RGS9: variants seen among roughly 807,000 people sequenced by gnomAD.
RGS9 encodes regulator of G protein signaling 9, also known as regulator of G-protein signalling 9.
Under a neutral mutation model 102.0 loss-of-function variants are expected in RGS9, and 78 were observed. The observed-to-expected ratio is 0.76, with a 90% CI of 0.64 to 0.92. The LOEUF (loss-of-function observed/expected upper bound fraction) is 0.92. RGS9 is among the 40% of genes least tolerant of loss of function. The pLI, the probability that RGS9 is intolerant of heterozygous loss-of-function variation, is 0.00. For missense variants in RGS9, 833 were observed against 866.1 expected (o/e 0.96, Z 0.48); for synonymous variants, 353 against 318.6 (o/e 1.11, Z -1.15).
chr17:65,154,663 A>G (rs867870382), intron 2 of RGS9, among the ~76,000 whole-genome samples: 3 of 152,278 alleles, frequency 2.0e-5, no homozygotes, highest in Middle Eastern at 6.8e-3. Flanking sequence ...TGAGGTGCCT[A>G]CAGAGCATCA....
At chr17:65,185,001 G>T (rs142444302) in intron 9 of RGS9, among the ~76,000 whole-genome samples, 137 of 152,052 alleles carry the variant, frequency 9.0e-4, no homozygotes, top group African/African-American at 3.2e-3. Flanking sequence ...TCCAGTAGTT[G>T]CTGGGACCAC....
intron 1 of RGS9, among the ~76,000 whole-genome samples, chr17:65,150,099 A>G (rs1910517785): frequency 6.6e-6 from 1 of 152,170 alleles, no homozygotes; most frequent in South Asian, 2.1e-4. Flanking sequence ...AATGGCGGGA[A>G]TGTGGACAGA....
intron 15 of RGS9, among the ~76,000 whole-genome samples, chr17:65,205,813 A>T (rs996507507): frequency 2.6e-5 from 4 of 151,956 alleles, no homozygotes; most frequent in Non-Finnish European, 5.9e-5. Flanking sequence ...AGGTTATATG[A>T]TATAGATTAT....
intron 8 of RGS9, among the ~76,000 whole-genome samples, chr17:65,174,258 A>G (rs775282202): frequency 1.3e-5 from 2 of 152,232 alleles, no homozygotes; most frequent in Non-Finnish European, 2.9e-5. Context: ...TAGATAACGA[A>G]TTCAAGACTT....
In RGS9 at chr17:65,190,212, T is replaced by C. The variant is rs1232981377; in HGVS notation, c.722T>C (p.Val241Ala). 1.2e-6 allele frequency: 2 copies of C among 1,613,706 alleles called. No homozygotes were observed. The highest frequency in any genetic ancestry group is 1.3e-5 in the African/African-American group (1 of 74,942). Residue 241 changes from valine (V) to alanine (A), a missense_variant, in exon 11 of 19, where the codon GTG becomes GCG. Physicochemically the swap from Val to Ala is moderately conservative, Grantham distance 64 (BLOSUM62 0). Coordinates refer to ENST00000262406, the MANE Select transcript of RGS9 (RefSeq NM_003835.4). Reference protein sequence around the residue: ...YYQQALMRSTVKSSVSLGGIV... With the variant: ...YYQQALMRSTAKSSVSLGGIV... ...CAACAGGCCTTGATGAGGTCCACAG[T>C]GAAGTCTTCTGTGTCCCTGGGAGGG...
At chr17:65,178,480 C>CTATTTATTTATTTATTTATT (rs146258319) in intron 9 of RGS9, among the ~76,000 whole-genome samples, 2 of 150,286 alleles carry the variant, frequency 1.3e-5, no homozygotes, top group African/African-American at 4.9e-5. Context: ...TTTTTTTTTC[C>CTATTTATTTATTTATTTATT]TATTTATTTA....
intron 8 of RGS9, among the ~76,000 whole-genome samples, chr17:65,171,587 C>T (rs1223696239): frequency 1.3e-5 from 2 of 152,142 alleles, no homozygotes; most frequent in African/African-American, 2.4e-5. Flanking sequence ...AGGGGCACAG[C>T]GAGAGGGTGA....
At chr17:65,183,590 C>A (rs1301102304) in intron 9 of RGS9, among the ~76,000 whole-genome samples, 1 of 152,162 alleles carries the variant, frequency 6.6e-6, no homozygotes, top group African/African-American at 2.4e-5. Flanking sequence ...AACCACTGCA[C>A]CCGGCTCCAT....
At chr17:65,158,452 A>C in intron 3 of RGS9, 107 bp downstream of exon 3, 1 of 1,065,556 alleles carries the variant, frequency 9.4e-7, no homozygotes, top group East Asian at 2.4e-5. Context: ...TTACATTTTA[A>C]TTGGACAGAC....
intron 15 of RGS9, among the ~76,000 whole-genome samples, chr17:65,206,593 C>T (rs1322813175): frequency 6.6e-6 from 1 of 152,174 alleles, no homozygotes; most frequent in Non-Finnish European, 1.5e-5. Context: ...AGGAGAATCA[C>T]TTGAACCTGG....
At chr17:65,186,265 C>T (rs771749740) in intron 9 of RGS9, among the ~76,000 whole-genome samples, 4 of 151,462 alleles carry the variant, frequency 2.6e-5, no homozygotes, top group South Asian at 2.1e-4. Flanking sequence ...AGCATGATCT[C>T]GGCTCACTGC....
chr17:65,150,879 G>A (rs1910552725), intron 1 of RGS9, among the ~76,000 whole-genome samples: 2 of 152,232 alleles, frequency 1.3e-5, no homozygotes, highest in Admixed American at 1.3e-4. Context: ...GGGGCAGGGG[G>A]AGTGGACAGC....
At chr17:65,208,726 C>T (rs1188318980) in intron 16 of RGS9, among the ~76,000 whole-genome samples, 1 of 152,116 alleles carries the variant, frequency 6.6e-6, no homozygotes, top group Non-Finnish European at 1.5e-5. Flanking sequence ...GTCCTGTCCC[C>T]CCCAAAGTGA....
chr17:65,164,202 G>A (rs778095467), intron 7 of RGS9, among the ~76,000 whole-genome samples: 26 of 152,144 alleles, frequency 1.7e-4, no homozygotes, highest in African/African-American at 4.8e-4. Flanking sequence ...CTCATCCACC[G>A]TGGGGCAGCT....
intron 2 of RGS9, among the ~76,000 whole-genome samples, chr17:65,156,033 C>T (rs368564997): frequency 2.7e-5 from 4 of 150,614 alleles, no homozygotes; most frequent in African/African-American, 9.8e-5. Context: ...TTTACTTATA[C>T]TTTTTTTTGA....
Position 65,168,231 on chromosome 17 carries a change from T to G in RGS9, c.532T>G (p.Tyr178Asp). Residue 178 changes from tyrosine (Y) to aspartate (D), a missense_variant, in exon 8 of 19, where the codon TAT becomes GAT. Tyr to Asp is a radical substitution (Grantham distance 160). Transcript: ENST00000262406. Reference sequence around the variant, plus strand: ...AAAGGAGAGGAACAAAGCAGACAGATATGCCCTGGACTGCCAGGAGAAGGC... The same window carrying G: ...AAAGGAGAGGAACAAAGCAGACAGAGATGCCCTGGACTGCCAGGAGAAGGC... ...AGKERNKADR[Y>D]ALDCQEKAYW... The G allele has an allele frequency of 6.2e-7, 1 of 1,611,644 alleles. No homozygotes were observed. Among genetic ancestry groups the G allele is most frequent in the Non-Finnish European group, 8.5e-7 (1 of 1,179,064 alleles).
At chr17:65,175,057 T>G (rs1385904716) in intron 8 of RGS9, among the ~76,000 whole-genome samples, 1 of 151,704 alleles carries the variant, frequency 6.6e-6, no homozygotes, top group East Asian at 1.9e-4. Flanking sequence ...GATATTTGGG[T>G]GGGAACACAG....
At chr17:65,189,702 A>G (rs1242628175) in intron 10 of RGS9, among the ~76,000 whole-genome samples, 1 of 152,176 alleles carries the variant, frequency 6.6e-6, no homozygotes, top group African/African-American at 2.4e-5. Flanking sequence ...GGGGCCCAAG[A>G]CAGAGTCCTG....
intron 6 of RGS9, among the ~76,000 whole-genome samples, chr17:65,161,602 T>A (rs1308945347): frequency 1.3e-5 from 2 of 152,060 alleles, no homozygotes; most frequent in East Asian, 3.9e-4. Flanking sequence ...GACTTTTGTT[T>A]TAGGCTGGGT....
Sources: gnomAD v4.1 joint callset for allele counts (sites outside exome capture counted in the v4.1 genomes callset) on GRCh38, gnomAD v4.1.1 for gene constraint, MANE v1.5 for transcripts, NCBI Gene and HGNC (gene_info 2026-07-23, HGNC 2026-07-21) for gene names.